The following NFIA variants were observed in gnomAD, a reference collection of about 807,000 sequenced individuals.
The protein encoded by NFIA is nuclear factor 1 A-type.
Under a neutral mutation model 62.8 loss-of-function variants are expected in NFIA, and 8 were observed. The ratio of observed to expected loss-of-function variants is 0.13; its 90% CI spans 0.07 to 0.23. NFIA has a LOEUF of 0.23. Among genes scored for constraint, NFIA ranks in the 10% least tolerant of loss-of-function variants. The probability of loss-of-function intolerance (pLI) is 1.00; values close to 1 mark genes in which losing one functional copy is unlikely to be tolerated. For synonymous variants in NFIA, 235 were observed against 238.1 expected (o/e 0.99, Z 0.12); for missense variants, 410 against 642.1 (o/e 0.64, Z 3.91).
At chr1:61,453,003 C>G (rs753960585) in intron 10 of NFIA, among the ~76,000 whole-genome samples, 8 of 152,082 alleles carry the variant, frequency 5.3e-5, no homozygotes, top group Non-Finnish European at 8.8e-5. Context: ...ATCCACCCCC[C>G]AAAAGAAAAG....
At chr1:61,300,239 GT>G (rs1659423624) in intron 3 of NFIA, among the ~76,000 whole-genome samples, 1 of 152,204 alleles carries the variant, frequency 6.6e-6, no homozygotes, top group Admixed American at 6.5e-5. Context: ...ACACTCTAGA[GT>G]TTTACAAAAC....
At chr1:61,424,274 T>A (rs1666765549) in intron 9 of NFIA, among the ~76,000 whole-genome samples, 1 of 152,094 alleles carries the variant, frequency 6.6e-6, no homozygotes, top group African/African-American at 2.4e-5. Context: ...GGTGATGGGA[T>A]ATAATATAAA....
intron 3 of NFIA, among the ~76,000 whole-genome samples, chr1:61,313,682 C>G (rs1660226573): frequency 6.6e-6 from 1 of 152,020 alleles, no homozygotes; most frequent in African/African-American, 2.4e-5. Context: ...TCTACTGAGT[C>G]CATCATTTGG....
chr1:61,082,468 G>C, upstream of NFIA: 1 of 1,068,114 alleles, frequency 9.4e-7, no homozygotes, highest in South Asian at 3.0e-5. Flanking sequence ...CGGGCACCCG[G>C]CCGGGCCGGC....
intron 2 of NFIA, among the ~76,000 whole-genome samples, chr1:61,221,321 C>G (rs1654004950): frequency 6.6e-6 from 1 of 151,966 alleles, no homozygotes; most frequent in Non-Finnish European, 1.5e-5. Flanking sequence ...ACTTTGGTGT[C>G]AGGGTTTTCA....
chr1:61,120,659 G>C (rs994505292), intron 2 of NFIA, among the ~76,000 whole-genome samples: 2 of 152,194 alleles, frequency 1.3e-5, no homozygotes, highest in African/African-American at 4.8e-5. Context: ...TTATTTAAAA[G>C]TGATCAAGGT....
chr1:61,088,421 T>C lies in NFIA; in HGVS notation c.300T>C (p.Pro100=). ...DFVLTVTGKK[P]PCCVLSNPDQ... ...TTCTTACAGTTACAGGGAAAAAACCTCCATGTTGTGTTCTTTCCAACCCAG... is the reference window on the plus strand; with the variant it reads ...TTCTTACAGTTACAGGGAAAAAACCCCCATGTTGTGTTCTTTCCAACCCAG... The change falls in exon 2 of 11, where the codon CCT becomes CCC. Residue 100 remains proline (P), a synonymous_variant. Transcript: ENST00000403491. This position sits in a 1 kb window ranked among gnomAD's most constrained non-coding sequence, Gnocchi z 4.5. 6.2e-7 allele frequency: 1 copy of C among 1,613,888 alleles called. No individual in the cohort carries two copies. The highest frequency in any genetic ancestry group is 8.5e-7 in the Non-Finnish European group (1 of 1,179,980).
At chr1:61,219,603 A>G (rs1479125046) in intron 2 of NFIA, among the ~76,000 whole-genome samples, 2 of 150,382 alleles carry the variant, frequency 1.3e-5, no homozygotes, top group Non-Finnish European at 3.0e-5. Flanking sequence ...AATCTCAGCT[A>G]TTTGGGAGGC....
chr1:61,105,523 T>C (rs953118851), intron 2 of NFIA, among the ~76,000 whole-genome samples: 1 of 151,948 alleles, frequency 6.6e-6, no homozygotes, highest in Non-Finnish European at 1.5e-5. Context: ...ATGGCCTTTC[T>C]TGTGGTGCTC....
intron 7 of NFIA, among the ~76,000 whole-genome samples, chr1:61,395,771 G>T (rs1283162557): frequency 2.0e-5 from 3 of 152,134 alleles, no homozygotes; most frequent in African/African-American, 7.2e-5. Context: ...CAGGACAAAG[G>T]CTGGGGCTGT....
chr1:61,425,680 T>G (rs1252086883), intron 9 of NFIA, among the ~76,000 whole-genome samples: 1 of 152,070 alleles, frequency 6.6e-6, no homozygotes, highest in Non-Finnish European at 1.5e-5. Flanking sequence ...TTTTTCCCAT[T>G]AAAGTAGAAA....
Position 61,459,974 on chromosome 1 carries a change from T to G in NFIA, c.*4654T>G, listed in dbSNP as rs1413103880. 1.3e-5 allele frequency: 2 copies of G among 152,210 alleles called. No homozygotes were observed. The highest frequency in any genetic ancestry group is 2.4e-5 in the African/African-American group (1 of 41,432). 9.4% of individuals were successfully genotyped at this position (152,210 alleles called of 1,614,324 possible). On this transcript the variant is annotated 3_prime_UTR_variant, in exon 11 of 11. Coordinates refer to ENST00000403491, the MANE Select transcript of NFIA (RefSeq NM_001134673.4). Reference sequence around the variant, plus strand: ...TTTCTTTCTTGTCTTCATTCTTTCTTTTCTTTTTTATTTCTGGTAGCAGGC... The same window carrying G: ...TTTCTTTCTTGTCTTCATTCTTTCTGTTCTTTTTTATTTCTGGTAGCAGGC...
At chr1:61,161,586 AACACACAC>A (rs56383204) in intron 2 of NFIA, among the ~76,000 whole-genome samples, 8,341 of 148,264 alleles carry the variant, frequency 0.056, 481 homozygotes, top group East Asian at 0.18. Flanking sequence ...CGCCATGTGC[AACACACAC>A]ACACACACAC....
intron 2 of NFIA, among the ~76,000 whole-genome samples, chr1:61,264,653 CAAAAAAA>C (rs1165980251): frequency 8.9e-4 from 54 of 60,744 alleles, no homozygotes; most frequent in Admixed American, 3.5e-3. Flanking sequence ...CTCCACCTTA[CAAAAAAA>C]AAAAAAAAAA....
chr1:61,453,533 G>C (rs1668165000), intron 10 of NFIA, among the ~76,000 whole-genome samples: 1 of 139,354 alleles, frequency 7.2e-6, no homozygotes, highest in Non-Finnish European at 1.5e-5. Flanking sequence ...GTCTCGTCCA[G>C]AAACTGTGGT....
chr1:61,208,806 G>A (rs1486586949), intron 2 of NFIA, among the ~76,000 whole-genome samples: 5 of 152,070 alleles, frequency 3.3e-5, no homozygotes, highest in East Asian at 1.9e-4. Flanking sequence ...AAATAATAAA[G>A]CTTTAAACTT....
intron 2 of NFIA, among the ~76,000 whole-genome samples, chr1:61,191,442 G>C (rs1458736086): frequency 1.3e-5 from 2 of 151,952 alleles, no homozygotes. Context: ...AATTCTGTTT[G>C]TCTCTAGCCT....
At chr1:61,218,579 C>A (rs1653798892) in intron 2 of NFIA, among the ~76,000 whole-genome samples, 1 of 152,186 alleles carries the variant, frequency 6.6e-6, no homozygotes, top group Non-Finnish European at 1.5e-5. Flanking sequence ...ATAAAATCAC[C>A]TTGGGAAAAT....
At chr1:61,162,832 T>C (rs937968231) in intron 2 of NFIA, among the ~76,000 whole-genome samples, 1 of 151,714 alleles carries the variant, frequency 6.6e-6, no homozygotes, top group Non-Finnish European at 1.5e-5. Context: ...TTTTTTTTTT[T>C]GCATGTCTAG....
Sources: allele counts gnomAD v4.1 joint callset (sites outside exome capture counted in the v4.1 genomes callset), GRCh38; gene constraint gnomAD v4.1.1; non-coding constraint Gnocchi (gnomAD v3.1); transcripts MANE v1.5; gene names NCBI Gene and HGNC (gene_info 2026-07-23, HGNC 2026-07-21).